Variants in NVL observed in about 807,000 individuals in gnomAD.
The protein encoded by NVL is nuclear valosin-containing protein-like.
In NVL, 84 loss-of-function variants were observed where a neutral mutation model predicts 110.2. That is an observed-to-expected ratio of 0.76 (90% CI 0.64 to 0.91). The LOEUF (loss-of-function observed/expected upper bound fraction) is 0.91. NVL is among the 40% of genes least tolerant of loss of function. NVL has a pLI of 0.00. For synonymous variants in NVL, 354 were observed against 361.1 expected, an observed-to-expected ratio of 0.98 and a Z score of 0.22; for missense variants, 882 against 1,035.9, an observed-to-expected ratio of 0.85 and a Z score of 2.04.
intron 6 of NVL, 79 bp from the exon 7 acceptor site, chr1:224,305,245 T>C (rs1668802702): frequency 1.4e-6 from 2 of 1,429,070 alleles, no homozygotes; most frequent in African/African-American, 2.9e-5. Context: ...AGAGGGGCAT[T>C]GTAAAGAAAA....
At chr1:224,318,776 GA>G (rs1484736299) in intron 2 of NVL, among the ~76,000 whole-genome samples, 1 of 151,454 alleles carries the variant, frequency 6.6e-6, no homozygotes, top group African/African-American at 2.4e-5. Context: ...GAGGTCAGGA[GA>G]TTGAGACCAG....
At chr1:224,252,310 C>G (rs1662594688) in intron 18 of NVL, among the ~76,000 whole-genome samples, 1 of 152,128 alleles carries the variant, frequency 6.6e-6, no homozygotes, top group African/African-American at 2.4e-5. Flanking sequence ...GAGCACAGAG[C>G]AAGCCCCATA....
intron 4 of NVL, 119 bp downstream of exon 4, chr1:224,317,575 G>A (rs1310635045): frequency 1.7e-5 from 11 of 647,676 alleles, no homozygotes; most frequent in East Asian, 8.0e-5. Context: ...GGCTGAAGAG[G>A]TTAGGTAAAT....
intron 18 of NVL, among the ~76,000 whole-genome samples, chr1:224,262,926 G>A (rs1664132078): frequency 6.6e-6 from 1 of 152,152 alleles, no homozygotes; most frequent in Non-Finnish European, 1.5e-5. Context: ...CTGGGAGAAT[G>A]GGGAAGAGGA....
Position 224,300,543 on chromosome 1 carries a change from TAGTC to T in NVL, c.1062+15_1062+18del. The T allele has an allele frequency of 6.4e-7, 1 of 1,567,616 alleles. No homozygotes were observed. The highest frequency in any genetic ancestry group is 2.2e-5 in the East Asian group (1 of 44,596). ...CTGGTAGCGTCTGACCACCTGGCAT[TAGTC>T]ATTAACTGACTCACCACAGCTTGCT... On this transcript the variant is annotated intron_variant, in intron 10 of 22. Transcript: ENST00000281701.
At chr1:224,258,507 C>A (rs1663550666) in intron 18 of NVL, among the ~76,000 whole-genome samples, 1 of 152,092 alleles carries the variant, frequency 6.6e-6, no homozygotes, top group Non-Finnish European at 1.5e-5. Context: ...AAATGTTAAA[C>A]AGGGAGTTAC....
chr1:224,247,948 T>C (rs1375350220), intron 19 of NVL, among the ~76,000 whole-genome samples: 1 of 152,192 alleles, frequency 6.6e-6, no homozygotes, highest in Non-Finnish European at 1.5e-5. Context: ...GTGGGAAAAT[T>C]GCCTTAGGTT....
At chr1:224,322,026 A>G (rs142556218) in intron 2 of NVL, among the ~76,000 whole-genome samples, 18 of 152,164 alleles carry the variant, frequency 1.2e-4, no homozygotes, top group African/African-American at 4.3e-4. Context: ...ACAAAACACA[A>G]CTCACAGATT....
At chr1:224,233,762 T>TA (rs1375213709) in intron 20 of NVL, among the ~76,000 whole-genome samples, 1 of 150,520 alleles carries the variant, frequency 6.6e-6, no homozygotes, top group African/African-American at 2.4e-5. Flanking sequence ...CTGTCCCAAT[T>TA]AAAAAACAAA....
chr1:224,300,797 A>AAC, intron 9 of NVL, 134 bp from the exon 10 acceptor site: 1 of 635,832 alleles, frequency 1.6e-6, no homozygotes, highest in Non-Finnish European at 2.7e-6. Flanking sequence ...CCCAGTGAAA[A>AAC]ACACTATTTG....
chr1:224,314,989 C>T (rs984546676), intron 4 of NVL, among the ~76,000 whole-genome samples: 6 of 151,214 alleles, frequency 4.0e-5, no homozygotes, highest in African/African-American at 1.5e-4. Flanking sequence ...CCAGCCTGGG[C>T]GACAAGAGTG....
Position 224,317,942 on chromosome 1 carries a change from A to G in NVL, c.132-12T>C, listed in dbSNP as rs1469956344. The G allele has an allele frequency of 2.5e-6, 4 of 1,571,452 alleles. No homozygotes were observed. Among genetic ancestry groups the G allele is most frequent in the Non-Finnish European group, 3.5e-6 (4 of 1,156,642 alleles). On this transcript the variant is annotated splice_polypyrimidine_tract_variant and intron_variant, in intron 2 of 22. Coordinates refer to ENST00000281701, the MANE Select transcript of NVL (RefSeq NM_002533.4). ...GACCATAGTCTATACTGAAAAAAGA[A>G]AACAAGAAGTTTACCATAGTAGTCT...
chr1:224,228,816 G>A (rs1659502730), intron 22 of NVL, among the ~76,000 whole-genome samples: 2 of 147,180 alleles, frequency 1.4e-5, no homozygotes, highest in African/African-American at 5.0e-5. Context: ...GCGGGCGCCT[G>A]TAGTCCCAGC....
At chr1:224,301,747 C>A (rs1392071823) in intron 9 of NVL, 1 of 268,716 alleles carries the variant, frequency 3.7e-6, no homozygotes. Context: ...CTGCAGTGAG[C>A]TGTGATCATG....
chr1:224,288,915 C>A (rs1321063947), intron 13 of NVL, among the ~76,000 whole-genome samples: 3 of 152,208 alleles, frequency 2.0e-5, no homozygotes, highest in Non-Finnish European at 4.4e-5. Context: ...CTATTATTCA[C>A]ATGACTGTCC....
chr1:224,273,179 G>A (rs1053163349), intron 17 of NVL, among the ~76,000 whole-genome samples: 8 of 152,240 alleles, frequency 5.3e-5, no homozygotes, highest in Admixed American at 4.6e-4. Context: ...TTGGGAGGCC[G>A]AGGATGGTGG....
intron 18 of NVL, among the ~76,000 whole-genome samples, chr1:224,262,717 T>A (rs941250563): frequency 1.3e-5 from 2 of 152,000 alleles, no homozygotes; most frequent in African/African-American, 4.8e-5. Context: ...GACAGCTGTA[T>A]AAAATATGTG....
At chr1:224,251,074 G>T (rs1457311299) in intron 18 of NVL, among the ~76,000 whole-genome samples, 1 of 151,486 alleles carries the variant, frequency 6.6e-6, no homozygotes, top group Non-Finnish European at 1.5e-5. Flanking sequence ...AGGAGTTCGA[G>T]ACCAGCCTGG....
chr1:224,235,446 C>T (rs572672596), intron 20 of NVL, among the ~76,000 whole-genome samples: 25 of 152,052 alleles, frequency 1.6e-4, no homozygotes, highest in African/African-American at 2.9e-4. Context: ...GGATTACAGG[C>T]GTGAGCCACT....
Sources: gnomAD v4.1 joint callset for allele counts (sites outside exome capture counted in the v4.1 genomes callset) on GRCh38, gnomAD v4.1.1 for gene constraint, MANE v1.5 for transcripts, NCBI Gene and HGNC (gene_info 2026-07-23, HGNC 2026-07-21) for gene names.